The following BANF2 variants were observed in gnomAD, a reference collection of about 807,000 sequenced individuals.
BANF2 encodes BANF family member 2.
A neutral mutation model predicts 8.0 loss-of-function variants in BANF2; 4 were observed. The observed-to-expected ratio is 0.50, with a 90% confidence interval of 0.25 to 1.14. BANF2 has a LOEUF of 1.14. Ranked by LOEUF, BANF2 falls within the 50% of genes most tolerant of loss-of-function variation. BANF2 has a pLI of 0.16. For missense variants in BANF2, 96 were observed against 107.5 expected (o/e 0.89, Z 0.47); for synonymous variants, 50 against 40.6 (o/e 1.23, Z -0.88).
At chr20:17,735,118 G>A (rs982971069) in intron 3 of BANF2, among the ~76,000 whole-genome samples, 1 of 151,698 alleles carries the variant, frequency 6.6e-6, no homozygotes, top group Non-Finnish European at 1.5e-5. Context: ...AGAAAGAAAA[G>A]AAAAGAGAAG....
At chr20:17,705,830 T>A (rs1312484264) in intron 1 of BANF2, among the ~76,000 whole-genome samples, 3 of 152,230 alleles carry the variant, frequency 2.0e-5, no homozygotes, top group Non-Finnish European at 4.4e-5. Flanking sequence ...AAGCATCTCT[T>A]TGTACCTCAG....
Position 17,709,042 on chromosome 20 carries a change from G to A in BANF2, c.-167+8987G>A, listed in dbSNP as rs76468634. On this transcript the variant is annotated intron_variant, in intron 1 of 3. Coordinates refer to ENST00000246090, the MANE Select transcript of BANF2 (RefSeq NM_178477.5). ...CAATCAATGAAAGCAATGACAATCT[G>A]GGAAATCCTTTCTTTATAACCTTGA... is the stretch of plus-strand genomic sequence containing the variant. Among the ~76,000 whole-genome samples the A allele has an allele frequency of 2.8e-3, 429 of 152,332 alleles. 3 individuals are homozygous for A. The highest frequency in any genetic ancestry group is 9.7e-3 in the African/African-American group (404 of 41,580).
At chr20:17,733,377 C>T (rs1412887435) in intron 3 of BANF2, among the ~76,000 whole-genome samples, 2 of 152,076 alleles carry the variant, frequency 1.3e-5, no homozygotes, top group African/African-American at 2.4e-5. Flanking sequence ...AGCACGTGGC[C>T]GACAGAAGTG....
chr20:17,708,046 C>G lies in BANF2; in HGVS notation c.-167+7991C>G, dbSNP rs6080793. 1.8e-5 allele frequency among the ~76,000 whole-genome samples: 2 copies of G among 111,788 alleles called. 1 individual carries two copies. Among genetic ancestry groups the G allele is most frequent in the Non-Finnish European group, 3.6e-5 (2 of 55,420 alleles). The allele number at this position is 111,788 out of a possible 152,430, so 73.3% of individuals were successfully genotyped here. ...GTGAAACCCTGTCTCTACTAAAAAT[C>G]AAAAAAAAAAAAAAAAAAAAACCAA... On this transcript the variant is annotated intron_variant, in intron 1 of 3. Coordinates refer to ENST00000246090, the MANE Select transcript of BANF2 (RefSeq NM_178477.5).
chr20:17,708,387 A>G (rs982060930), intron 1 of BANF2, among the ~76,000 whole-genome samples: 1 of 152,226 alleles, frequency 6.6e-6, no homozygotes. Flanking sequence ...TGTTGGGTCC[A>G]TACAGCATTA....
intron 1 of BANF2, among the ~76,000 whole-genome samples, chr20:17,722,032 T>C (rs2037737907): frequency 6.6e-6 from 1 of 152,242 alleles, no homozygotes; most frequent in Non-Finnish European, 1.5e-5. Flanking sequence ...CAAGTGTCTC[T>C]GGACATTACC....
At chr20:17,727,330 A>T (rs932244904) in intron 3 of BANF2, among the ~76,000 whole-genome samples, 1 of 152,042 alleles carries the variant, frequency 6.6e-6, no homozygotes, top group African/African-American at 2.4e-5. Flanking sequence ...AGCCGCCCAC[A>T]CCCGTGATTG....
chr20:17,703,539 A>G (rs2037439394), intron 1 of BANF2, among the ~76,000 whole-genome samples: 2 of 152,114 alleles, frequency 1.3e-5, no homozygotes, highest in Non-Finnish European at 2.9e-5. Context: ...TATTTCTTCC[A>G]ATTCTCTGGG....
At chr20:17,728,646 T>C (rs1196310896) in intron 3 of BANF2, among the ~76,000 whole-genome samples, 1 of 152,154 alleles carries the variant, frequency 6.6e-6, no homozygotes, top group Non-Finnish European at 1.5e-5. Context: ...CATGCACTGG[T>C]CTCTGGCTCC....
At chr20:17,693,951 G>A (rs2037320730) in intron 1 of BANF2, among the ~76,000 whole-genome samples, 1 of 152,228 alleles carries the variant, frequency 6.6e-6, no homozygotes, top group Non-Finnish European at 1.5e-5. Flanking sequence ...ATCTATGGCC[G>A]ACGGGCACGT....
At chr20:17,716,354 T>G (rs1263764791) in intron 1 of BANF2, among the ~76,000 whole-genome samples, 1 of 152,032 alleles carries the variant, frequency 6.6e-6, no homozygotes, top group Non-Finnish European at 1.5e-5. Context: ...TTTTTTTTCT[T>G]TTTTGAGACA....
intron 1 of BANF2, among the ~76,000 whole-genome samples, chr20:17,716,199 T>C (rs940263185): frequency 1.3e-5 from 2 of 152,164 alleles, no homozygotes; most frequent in African/African-American, 4.8e-5. Flanking sequence ...TGAGCTTCCA[T>C]CCAAAATGGA....
intron 1 of BANF2, among the ~76,000 whole-genome samples, chr20:17,716,420 C>T: frequency 6.6e-6 from 1 of 152,130 alleles, no homozygotes; most frequent in East Asian, 1.9e-4. Flanking sequence ...GCAGCCTTGA[C>T]CTCCCCAGGC....
At chr20:17,733,601 A>T (rs565919734) in intron 3 of BANF2, among the ~76,000 whole-genome samples, 4 of 152,332 alleles carry the variant, frequency 2.6e-5, no homozygotes, top group African/African-American at 9.6e-5. Flanking sequence ...TTAACACTTA[A>T]TAAATGTTAT....
chr20:17,721,735 G>T (rs2037732367), intron 1 of BANF2, among the ~76,000 whole-genome samples: 1 of 152,150 alleles, frequency 6.6e-6, no homozygotes, highest in Non-Finnish European at 1.5e-5. Context: ...AGCAAATTCT[G>T]GACCGCTGTT....
intron 3 of BANF2, 119 bp downstream of exon 3, chr20:17,725,270 G>A (rs1430611289): frequency 5.8e-5 from 75 of 1,292,508 alleles, no homozygotes; most frequent in South Asian, 5.3e-4. Flanking sequence ...CAAAGCTGCC[G>A]CTTGGCGGGG....
intron 1 of BANF2, among the ~76,000 whole-genome samples, chr20:17,709,835 G>A (rs539365726): frequency 1.1e-3 from 166 of 152,288 alleles, no homozygotes; most frequent in South Asian, 8.3e-3. Context: ...ATCTTGGTGC[G>A]GAGCTTAGCA....
chr20:17,701,064 T>A (rs73101850), intron 1 of BANF2, among the ~76,000 whole-genome samples: 1 of 152,032 alleles, frequency 6.6e-6, no homozygotes, highest in South Asian at 2.1e-4. Context: ...ATTTTACCCT[T>A]AGGCTTTGCC....
intron 3 of BANF2, among the ~76,000 whole-genome samples, chr20:17,731,898 C>G (rs1195271668): frequency 1.3e-5 from 2 of 150,848 alleles, no homozygotes; most frequent in East Asian, 2.0e-4. Context: ...AACCCTGTCT[C>G]TACTGAAAAT....
Sources: allele counts gnomAD v4.1 joint callset (sites outside exome capture counted in the v4.1 genomes callset), GRCh38; gene constraint gnomAD v4.1.1; transcripts MANE v1.5; gene names NCBI Gene and HGNC (gene_info 2026-07-23, HGNC 2026-07-21).